ALK: variants seen among roughly 807,000 people sequenced by gnomAD.
ALK encodes ALK receptor tyrosine kinase, also known as ALK tyrosine kinase receptor.
In ALK, 74 loss-of-function variants were observed where a neutral mutation model predicts 163.1. The observed-to-expected ratio is 0.45, with a 90% CI of 0.38 to 0.55. The LOEUF is 0.55. Ranked by LOEUF, ALK falls within the 20% of genes least tolerant of loss-of-function variation. ALK has a pLI of 0.00. For missense variants in ALK, 2,063 were observed against 2,105.3 expected, an observed-to-expected ratio of 0.98 and a Z score of 0.39; for synonymous variants, 960 against 843.2, an observed-to-expected ratio of 1.14 and a Z score of -2.40.
At chr2:29,664,422 G>A (rs899998187) in intron 3 of ALK, among the ~76,000 whole-genome samples, 2 of 152,030 alleles carry the variant, frequency 1.3e-5, no homozygotes, top group African/African-American at 4.8e-5. Flanking sequence ...CAGCCTTTTT[G>A]TACTCCCACT....
chr2:29,691,120 C>T (rs916647076), intron 3 of ALK, among the ~76,000 whole-genome samples: 13 of 152,172 alleles, frequency 8.5e-5, no homozygotes, highest in South Asian at 2.1e-4. Flanking sequence ...TGAGGAACAA[C>T]GCTACTTCAG....
chr2:29,828,015 C>A (rs1163028238), intron 1 of ALK, among the ~76,000 whole-genome samples: 1 of 152,108 alleles, frequency 6.6e-6, no homozygotes, highest in Non-Finnish European at 1.5e-5. Flanking sequence ...TAATACCACG[C>A]ATCTACAACT....
chr2:29,676,380 T>G (rs1177774583), intron 3 of ALK, among the ~76,000 whole-genome samples: 2 of 152,110 alleles, frequency 1.3e-5, no homozygotes, highest in African/African-American at 4.8e-5. Context: ...TGAGGTCATA[T>G]TCTAAGTTCA....
At chr2:29,836,041 G>A (rs1032092853) in intron 1 of ALK, among the ~76,000 whole-genome samples, 1 of 152,048 alleles carries the variant, frequency 6.6e-6, no homozygotes, top group African/African-American at 2.4e-5. Flanking sequence ...TCATGCTGCA[G>A]CATGACAAAT....
intron 23 of ALK, among the ~76,000 whole-genome samples, chr2:29,217,196 GTT>G (rs1388820374): frequency 2.0e-5 from 3 of 150,464 alleles, no homozygotes; most frequent in Admixed American, 1.3e-4. Context: ...CATGTGTGGT[GTT>G]TTGTGTGTGT....
Position 29,235,799 on chromosome 2 carries a change from C to T in ALK, c.2356-2103G>A, listed in dbSNP as rs138222835. ...CCACGAACTCCTGGGCTCAAGTAAT[C>T]ATCCTGCCTTAGTCTCCAGAGTAGC... On this transcript the variant is annotated intron_variant, in intron 13 of 28. Coordinates refer to ENST00000389048, the MANE Select transcript of ALK (RefSeq NM_004304.5). Among the ~76,000 whole-genome samples the T allele has an allele frequency of 6.3e-3, 919 of 145,920 alleles. 6 individuals are homozygous for T. Among genetic ancestry groups the T allele is most frequent in the African/African-American group, 0.022 (875 of 39,976 alleles).
At chr2:29,565,789 A>G (rs1674165714) in intron 3 of ALK, among the ~76,000 whole-genome samples, 1 of 152,182 alleles carries the variant, frequency 6.6e-6, no homozygotes, top group South Asian at 2.1e-4. Flanking sequence ...CTCTCAACAT[A>G]AACTCTGCTT....
intron 5 of ALK, among the ~76,000 whole-genome samples, chr2:29,370,110 C>T (rs1177994807): frequency 6.6e-6 from 1 of 152,208 alleles, no homozygotes; most frequent in Non-Finnish European, 1.5e-5. Flanking sequence ...AGGAGGAAAA[C>T]AGAGACCACT....
At chr2:29,466,421 C>T (rs564137539) in intron 4 of ALK, among the ~76,000 whole-genome samples, 1 of 152,264 alleles carries the variant, frequency 6.6e-6, no homozygotes, top group Admixed American at 6.5e-5. Context: ...TCAAATATGC[C>T]TCACAAATAT....
chr2:29,792,973 T>C (rs111260724), intron 1 of ALK, among the ~76,000 whole-genome samples: 1 of 152,180 alleles, frequency 6.6e-6, no homozygotes, highest in Non-Finnish European at 1.5e-5. Flanking sequence ...GTTGCATCCA[T>C]TGACTCTTCC....
intron 4 of ALK, among the ~76,000 whole-genome samples, chr2:29,466,614 A>G (rs964547370): frequency 1.3e-4 from 20 of 152,228 alleles, no homozygotes; most frequent in African/African-American, 4.3e-4. Context: ...TGATGAATTA[A>G]AGGGCTTGGC....
In ALK at chr2:29,743,946, A is replaced by T. The variant is rs115079949; in HGVS notation, c.668-26249T>A. Among the ~76,000 whole-genome samples, 1,154 of 121,076 alleles carry T rather than the reference A, an allele frequency of 9.5e-3. 12 individuals are homozygous for T. The highest frequency in any genetic ancestry group is 0.05 in the African/African-American group (1,081 of 21,520). 79.4% of individuals were successfully genotyped at this position (121,076 alleles called of 152,430 possible). A position where few individuals can be genotyped will look rare whatever the true frequency, so the allele number is the denominator to read the frequency against. ...GATACATAAAATCTCCCTCTGAAAT[A>T]AAAAAAAAAATGCTTAGACCATGTT... On this transcript the variant is annotated intron_variant, in intron 1 of 28. Transcript: ENST00000389048.
At chr2:29,762,248 C>T (rs1020600194) in intron 1 of ALK, among the ~76,000 whole-genome samples, 2 of 152,178 alleles carry the variant, frequency 1.3e-5, no homozygotes, top group Admixed American at 1.3e-4. Flanking sequence ...TTCCATTAAA[C>T]CAAAGTTATT....
chr2:29,819,798 TA>T (rs1384094005), intron 1 of ALK, among the ~76,000 whole-genome samples: 1 of 152,222 alleles, frequency 6.6e-6, no homozygotes, highest in Non-Finnish European at 1.5e-5. Context: ...AGCAGGTCAC[TA>T]AAAGGTGTTA....
intron 3 of ALK, among the ~76,000 whole-genome samples, chr2:29,618,522 G>A (rs750384694): frequency 4.6e-5 from 7 of 151,652 alleles, no homozygotes; most frequent in Admixed American, 2.6e-4. Context: ...TATACTGGTG[G>A]GGAGAGGGTC....
At chr2:29,855,184 C>A (rs375912276) in intron 1 of ALK, among the ~76,000 whole-genome samples, 30 of 152,238 alleles carry the variant, frequency 2.0e-4, no homozygotes, top group Non-Finnish European at 3.4e-4. Context: ...AACAAGCTAG[C>A]ACCCTGGCAT....
intron 2 of ALK, among the ~76,000 whole-genome samples, chr2:29,716,761 A>C (rs72851959): frequency 0.12 from 17,860 of 152,006 alleles, 2,364 homozygotes; most frequent in African/African-American, 0.33. Context: ...AATAATATCA[A>C]AGAACATGTT....
intron 4 of ALK, among the ~76,000 whole-genome samples, chr2:29,467,104 C>T (rs1331486740): frequency 6.6e-6 from 1 of 152,108 alleles, no homozygotes; most frequent in Non-Finnish European, 1.5e-5. Context: ...ACAGCTTGGA[C>T]ACATGATCCA....
intron 26 of ALK, among the ~76,000 whole-genome samples, chr2:29,201,219 G>T (rs1270048285): frequency 6.6e-6 from 1 of 151,984 alleles, no homozygotes; most frequent in Non-Finnish European, 1.5e-5. Flanking sequence ...CATACACCAA[G>T]ATCTCATACA....
Sources: allele counts gnomAD v4.1 joint callset (sites outside exome capture counted in the v4.1 genomes callset), GRCh38; gene constraint gnomAD v4.1.1; transcripts MANE v1.5; gene names NCBI Gene and HGNC (gene_info 2026-07-23, HGNC 2026-07-21).